The following MBD2 variants were observed in gnomAD, a reference collection of about 807,000 sequenced individuals.
MBD2 encodes the protein methyl-CpG-binding domain protein 2.
A neutral mutation model predicts 39.3 loss-of-function variants in MBD2; 9 were observed. That is an observed-to-expected ratio of 0.23 (90% CI 0.14 to 0.40). The LOEUF (loss-of-function observed/expected upper bound fraction) is 0.40, where lower values mean the gene tolerates loss of function less well. Ranked by LOEUF, MBD2 falls within the 10% of genes least tolerant of loss-of-function variation. MBD2 has a pLI of 1.00. For missense variants in MBD2, 458 were observed against 532.6 expected, an observed-to-expected ratio of 0.86 and a Z score of 1.38; for synonymous variants, 233 against 211.1, an observed-to-expected ratio of 1.10 and a Z score of -0.90.
At chr18:54,179,668 A>G (rs1233053320) in intron 3 of MBD2, among the ~76,000 whole-genome samples, 2 of 152,228 alleles carry the variant, frequency 1.3e-5, no homozygotes, top group Non-Finnish European at 2.9e-5. Context: ...AAAATAATTG[A>G]TAGAATTTAA....
chr18:54,209,396 T>C (rs913735943), intron 1 of MBD2, among the ~76,000 whole-genome samples: 2 of 149,866 alleles, frequency 1.3e-5, no homozygotes, highest in African/African-American at 4.9e-5. Flanking sequence ...GGAAAAAAGG[T>C]AGAAGTTTTA....
At chr18:54,175,293 G>A (rs1341856369) in intron 3 of MBD2, among the ~76,000 whole-genome samples, 1 of 152,180 alleles carries the variant, frequency 6.6e-6, no homozygotes. Context: ...CCCAAGCCAA[G>A]AAGCCTACAG....
chr18:54,179,917 A>C (rs577236635), intron 3 of MBD2, among the ~76,000 whole-genome samples: 151 of 119,244 alleles, frequency 1.3e-3, no homozygotes, highest in Non-Finnish European at 2.2e-3. Flanking sequence ...AAAGGTTTAA[A>C]TATTGTTAAG....
intron 2 of MBD2, among the ~76,000 whole-genome samples, chr18:54,191,637 C>T (rs1310909979): frequency 6.6e-6 from 1 of 152,206 alleles, no homozygotes; most frequent in African/African-American, 2.4e-5. Flanking sequence ...GAGTTTGTGA[C>T]CTCTACTTAA....
intron 1 of MBD2, 38 bp downstream of exon 1, chr18:54,223,980 C>CG: frequency 2.1e-6 from 3 of 1,442,634 alleles, no homozygotes; most frequent in Non-Finnish European, 2.9e-6. Flanking sequence ...TGACCCCGGC[C>CG]TGACCCCGCC....
At chr18:54,168,201 A>G (rs943220245) in intron 3 of MBD2, among the ~76,000 whole-genome samples, 2 of 151,954 alleles carry the variant, frequency 1.3e-5, no homozygotes, top group Non-Finnish European at 2.9e-5. Context: ...TTTTACATCT[A>G]AAAGTTCCAA....
chr18:54,190,469 G>A (rs1466726401), intron 2 of MBD2, among the ~76,000 whole-genome samples: 3 of 152,170 alleles, frequency 2.0e-5, no homozygotes, highest in Non-Finnish European at 2.9e-5. Context: ...GGTCCCGCCT[G>A]GCACCCTGAG....
rs72927027 is a variant in MBD2, at chr18:54,215,377, C to A, written c.542+8641G>T. 5.0e-3 allele frequency among the ~76,000 whole-genome samples: 760 copies of A among 152,094 alleles called. 3 individuals carry two copies. Among genetic ancestry groups the A allele is most frequent in the Middle Eastern group, 0.01 (3 of 294 alleles). On this transcript the variant is annotated intron_variant, in intron 1 of 6. Coordinates refer to ENST00000256429, the MANE Select transcript of MBD2 (RefSeq NM_003927.5). Reference sequence around the variant, plus strand: ...TTCATTTTTCTCTTCTTTTTTAATACAGACCACTCGAACAAACGCTTCACA... The same window carrying A: ...TTCATTTTTCTCTTCTTTTTTAATAAAGACCACTCGAACAAACGCTTCACA...
At chr18:54,180,890 A>ATTTTTTT (rs1568083459) in intron 3 of MBD2, among the ~76,000 whole-genome samples, 16 of 114,548 alleles carry the variant, frequency 1.4e-4, no homozygotes, top group Admixed American at 2.7e-4. Flanking sequence ...GTATTCCTTA[A>ATTTTTTT]TTTTTTCTTT....
At chr18:54,184,694 T>C (rs989710423) in intron 3 of MBD2, among the ~76,000 whole-genome samples, 1 of 152,236 alleles carries the variant, frequency 6.6e-6, no homozygotes, top group Admixed American at 6.5e-5. Context: ...TAAAAATATG[T>C]CCAGCATATG....
chr18:54,200,861 C>T (rs576326723), intron 2 of MBD2, among the ~76,000 whole-genome samples: 23 of 152,102 alleles, frequency 1.5e-4, no homozygotes, highest in Non-Finnish European at 3.2e-4. Flanking sequence ...GGGCGGATCA[C>T]GAGGTCAGGA....
At chr18:54,170,848 A>T (rs2086174686) in intron 3 of MBD2, among the ~76,000 whole-genome samples, 1 of 152,226 alleles carries the variant, frequency 6.6e-6, no homozygotes. Context: ...ATAAGCATGT[A>T]GAAGAGAAAA....
chr18:54,160,127 T>A (rs1318122061), intron 5 of MBD2: 2 of 473,988 alleles, frequency 4.2e-6, no homozygotes, highest in African/African-American at 3.9e-5. Context: ...TCATCACACA[T>A]GAAATTCTAG....
At chr18:54,223,983 A>ACCCCCCCCCC in intron 1 of MBD2, 35 bp downstream of exon 1, 1 of 745,318 alleles carries the variant, frequency 1.3e-6, no homozygotes, top group Non-Finnish European at 2.2e-6. Context: ...CCCCGGCCTG[A>ACCCCCCCCCC]CCCCGCCACC....
At position 54,211,373 on chromosome 18, in the gene MBD2, T is replaced by A. The variant is rs967740848; in HGVS notation, c.543-6216A>T. Among the ~76,000 whole-genome samples, 7 of 142,842 alleles carry A rather than the reference T, an allele frequency of 4.9e-5. No individual in the cohort carries two copies. The East Asian group carries it at 1.5e-3, about 30-fold the overall frequency. The allele number at this position is 142,842 out of a possible 152,430, so 93.7% of individuals were successfully genotyped here. ...TCAGAAACCCGCCAAATTAAAAGAATGTATATTATTGCTATACACACACAC... is the reference window on the plus strand; with the variant it reads ...TCAGAAACCCGCCAAATTAAAAGAAAGTATATTATTGCTATACACACACAC... On this transcript the variant is annotated intron_variant, in intron 1 of 6. Transcript: ENST00000256429.
At chr18:54,189,320 TCTGC>T (rs2086304099) in intron 2 of MBD2, among the ~76,000 whole-genome samples, 1 of 149,260 alleles carries the variant, frequency 6.7e-6, no homozygotes, top group Non-Finnish European at 1.5e-5. Flanking sequence ...GCCTCCCGGG[TCTGC>T]TTACGCCATC....
Position 54,151,655 on chromosome 18 carries a change from A to G in MBD2, c.*3669T>C, listed in dbSNP as rs950337660. The G allele has an allele frequency of 1.3e-5, 2 of 152,314 alleles. No individual in the cohort carries two copies. The highest frequency in any genetic ancestry group is 3.4e-3 in the Middle Eastern group (1 of 294). The allele number at this position is 152,314 out of a possible 1,614,324, so 9.4% of individuals were successfully genotyped here. On this transcript the variant is annotated 3_prime_UTR_variant, in exon 7 of 7. Transcript: ENST00000256429. ...TGTACATTTTCTCATAGCATTTACT[A>G]TGGAAATACTAATAGTGCAAATATT...
intron 3 of MBD2, among the ~76,000 whole-genome samples, chr18:54,184,313 G>A (rs527413825): frequency 9.2e-5 from 14 of 152,108 alleles, no homozygotes; most frequent in South Asian, 2.1e-4. Flanking sequence ...TCACAGAGGC[G>A]CGAACCCCAT....
At chr18:54,156,660 C>A (rs1049770798) in intron 6 of MBD2, among the ~76,000 whole-genome samples, 19 of 152,178 alleles carry the variant, frequency 1.2e-4, no homozygotes, top group African/African-American at 3.1e-4. Context: ...CAAGACCAAC[C>A]TGCCCAACAT....
Sources: allele counts gnomAD v4.1 joint callset (sites outside exome capture counted in the v4.1 genomes callset), GRCh38; gene constraint gnomAD v4.1.1; transcripts MANE v1.5; gene names NCBI Gene and HGNC (gene_info 2026-07-23, HGNC 2026-07-21).